Variants in PDSS2 observed in about 807,000 individuals in gnomAD.
The protein encoded by PDSS2 is decaprenyl diphosphate synthase subunit 2.
PDSS2 carries 31 observed loss-of-function variants against 44.5 expected under a neutral mutation model. That is an observed-to-expected ratio of 0.70 (90% confidence interval 0.52 to 0.94). The LOEUF (loss-of-function observed/expected upper bound fraction) is 0.94, where lower values mean the gene tolerates loss of function less well. Ranked by LOEUF, PDSS2 falls within the 40% of genes least tolerant of loss-of-function variation. The pLI, the probability that PDSS2 is intolerant of heterozygous loss-of-function variation, is 0.00. For synonymous variants in PDSS2, 157 were observed against 180.3 expected, an observed-to-expected ratio of 0.87 and a Z score of 1.03; for missense variants, 452 against 482.2, an observed-to-expected ratio of 0.94 and a Z score of 0.59.
intron 3 of PDSS2, among the ~76,000 whole-genome samples, chr6:107,264,869 A>G (rs1223437922): frequency 1.3e-5 from 2 of 152,220 alleles, no homozygotes; most frequent in African/African-American, 4.8e-5. Context: ...GACACAATAT[A>G]GAGCAACTTA....
chr6:107,334,446 T>G, intron 1 of PDSS2, 114 bp from the exon 2 acceptor site: 1 of 965,414 alleles, frequency 1.0e-6, no homozygotes, highest in Non-Finnish European at 1.6e-6. Flanking sequence ...TGAGACTTAC[T>G]GAAAAGAAAC....
intron 2 of PDSS2, among the ~76,000 whole-genome samples, chr6:107,299,960 G>C (rs1412063435): frequency 1.3e-5 from 2 of 152,028 alleles, no homozygotes; most frequent in African/African-American, 4.8e-5. Context: ...AGCACCCCTA[G>C]CCCCTACAAA....
In PDSS2 at chr6:107,263,207, C is replaced by G. The variant is rs144701503; in HGVS notation, c.630+10822G>C. The stretch of plus-strand genomic sequence containing the variant: ...GTGGCTTACGCCTGTAATCTCAGCA[C>G]TTTGGGAGGCCGAGGTGGGTAAATC... On this transcript the variant is annotated intron_variant, in intron 3 of 7. Coordinates refer to ENST00000369037, the MANE Select transcript of PDSS2 (RefSeq NM_020381.4). 6.9e-3 allele frequency among the ~76,000 whole-genome samples: 1,049 copies of G among 151,762 alleles called. 11 individuals are homozygous for G. Among genetic ancestry groups the G allele is most frequent in the African/African-American group, 0.022 (905 of 41,426 alleles).
At chr6:107,445,760 C>T (rs879935431) in intron 1 of PDSS2, among the ~76,000 whole-genome samples, 18 of 152,100 alleles carry the variant, frequency 1.2e-4, no homozygotes, top group African/African-American at 3.6e-4. Context: ...CATGCTAGTC[C>T]GGAATTGGCA....
At chr6:107,400,539 T>C (rs1780074809) in intron 1 of PDSS2, among the ~76,000 whole-genome samples, 1 of 152,170 alleles carries the variant, frequency 6.6e-6, no homozygotes, top group South Asian at 2.1e-4. Flanking sequence ...GAGGATGAAC[T>C]GTTTGTGACT....
intron 7 of PDSS2, among the ~76,000 whole-genome samples, chr6:107,173,177 T>A (rs1771648311): frequency 6.6e-6 from 1 of 150,992 alleles, no homozygotes; most frequent in Admixed American, 6.6e-5. Context: ...TAGTCCTTCA[T>A]GAATAAGGCA....
chr6:107,232,756 C>T (rs1348128649), intron 4 of PDSS2, among the ~76,000 whole-genome samples: 2 of 152,300 alleles, frequency 1.3e-5, no homozygotes, highest in Non-Finnish European at 2.9e-5. Flanking sequence ...GCTCAAAAGA[C>T]ACATTAAATG....
At chr6:107,228,982 C>A (rs1773936443) in intron 4 of PDSS2, among the ~76,000 whole-genome samples, 1 of 152,056 alleles carries the variant, frequency 6.6e-6, no homozygotes, top group Non-Finnish European at 1.5e-5. Flanking sequence ...TTAATACATG[C>A]CTTGGGTACA....
chr6:107,435,593 A>G (rs552866296), intron 1 of PDSS2, among the ~76,000 whole-genome samples: 1 of 152,298 alleles, frequency 6.6e-6, no homozygotes, highest in South Asian at 2.1e-4. Flanking sequence ...ATGTTAAAGA[A>G]GGTAGATTTG....
chr6:107,314,368 T>C (rs1777137692), intron 2 of PDSS2, among the ~76,000 whole-genome samples: 1 of 152,150 alleles, frequency 6.6e-6, no homozygotes, highest in African/African-American at 2.4e-5. Flanking sequence ...ACATTTTATA[T>C]ACATATATAC....
chr6:107,332,397 C>T (rs1777740770), intron 2 of PDSS2, among the ~76,000 whole-genome samples: 1 of 152,170 alleles, frequency 6.6e-6, no homozygotes, highest in African/African-American at 2.4e-5. Context: ...TCAGCCATCA[C>T]ACCTGGCCTG....
intron 2 of PDSS2, among the ~76,000 whole-genome samples, chr6:107,274,497 C>G (rs1775710403): frequency 6.6e-6 from 1 of 152,100 alleles, no homozygotes; most frequent in Non-Finnish European, 1.5e-5. Flanking sequence ...AGTGGAGGGC[C>G]ACCTTCCACA....
chr6:107,232,927 C>T (rs1346083177), intron 4 of PDSS2, among the ~76,000 whole-genome samples: 1 of 151,890 alleles, frequency 6.6e-6, no homozygotes, highest in Non-Finnish European at 1.5e-5. Flanking sequence ...GCAGCATCGA[C>T]CCCCTGGGCT....
At chr6:107,426,904 T>C (rs945034623) in intron 1 of PDSS2, among the ~76,000 whole-genome samples, 2 of 152,148 alleles carry the variant, frequency 1.3e-5, no homozygotes, top group Admixed American at 6.6e-5. Flanking sequence ...TACAGGTTCA[T>C]AGATGGAAGT....
At chr6:107,309,370 C>A (rs1049784880) in intron 2 of PDSS2, among the ~76,000 whole-genome samples, 3 of 152,184 alleles carry the variant, frequency 2.0e-5, no homozygotes, top group Non-Finnish European at 2.9e-5. Flanking sequence ...CATTCTCATT[C>A]TGAAGAAAAG....
At chr6:107,402,008 G>A (rs547780184) in intron 1 of PDSS2, among the ~76,000 whole-genome samples, 1 of 152,278 alleles carries the variant, frequency 6.6e-6, no homozygotes, top group Admixed American at 6.5e-5. Flanking sequence ...GCCGGGCGCA[G>A]TGGCTCACAC....
intron 7 of PDSS2, among the ~76,000 whole-genome samples, chr6:107,155,877 C>CTTTTTT (rs60840656): frequency 5.8e-5 from 3 of 51,636 alleles, no homozygotes; most frequent in Non-Finnish European, 1.1e-4. Flanking sequence ...CTTGCCCGGC[C>CTTTTTT]TTTTTTTTTT....
At chr6:107,251,284 A>G (rs1774809324) in intron 3 of PDSS2, among the ~76,000 whole-genome samples, 1 of 152,250 alleles carries the variant, frequency 6.6e-6, no homozygotes, top group Non-Finnish European at 1.5e-5. Context: ...AGGTTGCTTT[A>G]TAACTTAATT....
intron 1 of PDSS2, among the ~76,000 whole-genome samples, chr6:107,412,233 CTTTTTTT>C (rs1169549611): frequency 4.1e-5 from 3 of 73,406 alleles, no homozygotes; most frequent in South Asian, 9.7e-4. Context: ...GTCCTTTGCT[CTTTTTTT>C]TTTTTTTTTT....
Sources: allele counts gnomAD v4.1 joint callset (sites outside exome capture counted in the v4.1 genomes callset), GRCh38; gene constraint gnomAD v4.1.1; transcripts MANE v1.5; gene names NCBI Gene and HGNC (gene_info 2026-07-23, HGNC 2026-07-21).